TENM2: variants seen among roughly 807,000 people sequenced by gnomAD.
TENM2 encodes the protein teneurin-2.
In TENM2, 52 loss-of-function variants were observed where a neutral mutation model predicts 245.2. That is an observed-to-expected ratio of 0.21 (90% CI 0.17 to 0.27). TENM2 has a LOEUF of 0.27. TENM2 is among the 10% of genes least tolerant of loss of function. TENM2 has a pLI of 1.00. For synonymous variants in TENM2, 1,363 were observed against 1,438.9 expected (o/e 0.95, Z 1.19); for missense variants, 3,046 against 3,666.8 (o/e 0.83, Z 4.37).
intron 1 of TENM2, among the ~76,000 whole-genome samples, chr5:167,328,546 G>A (rs147545089): frequency 3.3e-5 from 5 of 152,096 alleles, no homozygotes; most frequent in African/African-American, 4.8e-5. Flanking sequence ...AGCTCTTCCC[G>A]CTTATTAAAT....
chr5:168,070,819 GAAAA>G lies in TENM2; in HGVS notation c.1515+8558_1515+8561del, dbSNP rs767578367. On this transcript the variant is annotated intron_variant, in intron 7 of 28. Transcript: ENST00000518659. ...AGAGAGAGAGAGAGAGAGAGAGAGA[GAAAA>G]AAAGAAAGAAGAAAAAGAAAAAGAG... Among the ~76,000 whole-genome samples, 704 of 111,560 alleles carry G rather than the reference GAAAA, an allele frequency of 6.3e-3. 9 individuals carry two copies. The highest frequency in any genetic ancestry group is 0.023 in the African/African-American group (664 of 28,394). The allele number at this position is 111,560 out of a possible 152,430, so 73.2% of individuals were successfully genotyped here.
intron 1 of TENM2, among the ~76,000 whole-genome samples, chr5:167,319,367 T>G (rs1315990818): frequency 6.6e-6 from 1 of 152,162 alleles, no homozygotes; most frequent in African/African-American, 2.4e-5. Context: ...TTGGGTGTAT[T>G]AAATTAGAAA....
chr5:167,653,036 C>T (rs942997220), intron 2 of TENM2, among the ~76,000 whole-genome samples: 2 of 151,998 alleles, frequency 1.3e-5, no homozygotes, highest in Non-Finnish European at 2.9e-5. Flanking sequence ...TGAGTCATCT[C>T]TTTATTTTTT....
intron 2 of TENM2, among the ~76,000 whole-genome samples, chr5:167,619,860 C>T (rs1340002891): frequency 6.6e-6 from 1 of 152,054 alleles, no homozygotes; most frequent in East Asian, 1.9e-4. Flanking sequence ...GTTCCTCCCC[C>T]TTTTAAAAAA....
chr5:167,509,151 T>C lies in TENM2; in HGVS notation c.502+133678T>C, dbSNP rs117166465. ...ATATTTTAGCGTGTGCTATTTCTCA[T>C]TGTGACAAATAAAAGTCATTCTTCT... On this transcript the variant is annotated intron_variant, in intron 2 of 28. Coordinates refer to ENST00000518659, the Ensembl canonical transcript of TENM2. Among the ~76,000 whole-genome samples the C allele has an allele frequency of 3.3e-3, 499 of 152,324 alleles. 24 individuals carry two copies. The South Asian group carries it at 0.082, about 25-fold the overall frequency.
intron 2 of TENM2, among the ~76,000 whole-genome samples, chr5:167,696,339 C>G (rs971425360): frequency 6.6e-6 from 1 of 152,178 alleles, no homozygotes; most frequent in African/African-American, 2.4e-5. Context: ...CTGATACTTT[C>G]ATCAAAGCCA....
intron 1 of TENM2, among the ~76,000 whole-genome samples, chr5:167,289,880 TA>T (rs1230429932): frequency 5.9e-5 from 9 of 152,156 alleles, no homozygotes; most frequent in Non-Finnish European, 1.2e-4. Flanking sequence ...AAATAATAAT[TA>T]AAAGGTTCTA....
intron 25 of TENM2, among the ~76,000 whole-genome samples, chr5:168,243,038 A>C (rs1030007209): frequency 7.2e-5 from 11 of 152,070 alleles, no homozygotes; most frequent in African/African-American, 2.7e-4. Context: ...TTGAATTATT[A>C]GGGTAAAGTG....
chr5:168,217,217 C>G (rs1763275301), intron 22 of TENM2, among the ~76,000 whole-genome samples: 1 of 152,194 alleles, frequency 6.6e-6, no homozygotes. Context: ...CTGTAATTAC[C>G]TCCCTTCTCC....
At chr5:167,919,776 A>G (rs1162788234) in intron 3 of TENM2, among the ~76,000 whole-genome samples, 1 of 152,254 alleles carries the variant, frequency 6.6e-6, no homozygotes, top group Admixed American at 6.5e-5. Flanking sequence ...CTGAAAATGT[A>G]TGAGTGCCTA....
chr5:167,383,745 A>C (rs900635196), intron 2 of TENM2, among the ~76,000 whole-genome samples: 4 of 151,222 alleles, frequency 2.6e-5, no homozygotes, highest in Non-Finnish European at 5.9e-5. Context: ...AAAAAAAAAA[A>C]AAAAACTTCC....
At chr5:167,027,392 A>T in the TENM2 span, among the ~76,000 whole-genome samples, 236 of 152,298 alleles carry the variant, frequency 1.5e-3, no homozygotes, top group African/African-American at 5.3e-3. Flanking sequence ...GGAAGTTTCT[A>T]CTTGAATTCA....
chr5:167,095,213 A>C, the TENM2 span, among the ~76,000 whole-genome samples: 1 of 152,206 alleles, frequency 6.6e-6, no homozygotes, highest in African/African-American at 2.4e-5. Context: ...AGATGTTATG[A>C]TGGAAATGAA....
At chr5:168,099,101 G>A (rs1793600698) in intron 9 of TENM2, among the ~76,000 whole-genome samples, 1 of 151,916 alleles carries the variant, frequency 6.6e-6, no homozygotes, top group Non-Finnish European at 1.5e-5. Context: ...GTAAAGACAG[G>A]GTTTCACTAT....
At chr5:167,642,546 C>G (rs1582631286) in intron 2 of TENM2, among the ~76,000 whole-genome samples, 1 of 152,284 alleles carries the variant, frequency 6.6e-6, no homozygotes, top group South Asian at 2.1e-4. Flanking sequence ...CACACACACT[C>G]ATGCGCACTA....
chr5:167,319,360 G>A (rs1222993693), intron 1 of TENM2, among the ~76,000 whole-genome samples: 1 of 151,828 alleles, frequency 6.6e-6, no homozygotes, highest in East Asian at 1.9e-4. Flanking sequence ...TGGTTAGTTG[G>A]GTGTATTAAA....
chr5:166,994,954 C>T, the TENM2 span, among the ~76,000 whole-genome samples: 1 of 152,118 alleles, frequency 6.6e-6, no homozygotes, highest in African/African-American at 2.4e-5. Context: ...CATATTGATC[C>T]TTGAGTGAAG....
At chr5:167,832,106 A>T (rs1283103696) in intron 2 of TENM2, among the ~76,000 whole-genome samples, 1 of 152,196 alleles carries the variant, frequency 6.6e-6, no homozygotes, top group African/African-American at 2.4e-5. Context: ...CCAATAACTA[A>T]CTGTTTGTCA....
intron 2 of TENM2, among the ~76,000 whole-genome samples, chr5:167,533,921 C>T (rs1466175360): frequency 1.3e-5 from 2 of 152,128 alleles, no homozygotes; most frequent in Non-Finnish European, 2.9e-5. Flanking sequence ...TGTTCAAACT[C>T]CTGTCACTTG....
Sources: allele counts gnomAD v4.1 joint callset (sites outside exome capture counted in the v4.1 genomes callset), GRCh38; gene constraint gnomAD v4.1.1; transcripts MANE v1.5; gene names NCBI Gene and HGNC (gene_info 2026-07-23, HGNC 2026-07-21).